The following TMEM26 variants were observed in gnomAD, a reference collection of about 807,000 sequenced individuals.
TMEM26 encodes transmembrane protein 26.
A neutral mutation model predicts 28.8 loss-of-function variants in TMEM26; 38 were observed. The ratio of observed to expected loss-of-function variants is 1.32; its 90% confidence interval spans 1.02 to 1.73. The LOEUF (loss-of-function observed/expected upper bound fraction) is 1.73. TMEM26 is among the 40% of genes most tolerant of loss of function. The pLI is 0.00. For synonymous variants in TMEM26, 227 were observed against 182.9 expected, an observed-to-expected ratio of 1.24 and a Z score of -1.95; for missense variants, 518 against 447.1, an observed-to-expected ratio of 1.16 and a Z score of -1.43.
rs1433186068 is a variant in TMEM26 at position 61,410,099 on chromosome 10, A to G, written c.*223T>C. ...CAAATCACTTAGTCGTTGAACAACT[A>G]TAACATCTGATACCATCACACAGAA... On this transcript the variant is annotated 3_prime_UTR_variant, in exon 6 of 6. Coordinates refer to ENST00000399298, the MANE Select transcript of TMEM26 (RefSeq NM_178505.8). 1.9e-5 allele frequency: 11 copies of G among 571,804 alleles called. No individual in the cohort carries two copies. The South Asian group carries it at 2.2e-4, about 11-fold the overall frequency. The allele number at this position is 571,804 out of a possible 1,614,324, so 35.4% of individuals were successfully genotyped here.
At chr10:61,429,991 G>T (rs189427095) in intron 3 of TMEM26, among the ~76,000 whole-genome samples, 21 of 152,158 alleles carry the variant, frequency 1.4e-4, no homozygotes, top group African/African-American at 4.6e-4. Flanking sequence ...AATGCACAAG[G>T]ACGGATAAAA....
chr10:61,424,686 A>G (rs1322872644), intron 4 of TMEM26, among the ~76,000 whole-genome samples: 1 of 152,228 alleles, frequency 6.6e-6, no homozygotes, highest in Non-Finnish European at 1.5e-5. Context: ...CTATAGCTAC[A>G]TAATCCTGAC....
chr10:61,445,479 C>G (rs1486691826), intron 1 of TMEM26, among the ~76,000 whole-genome samples: 1 of 152,130 alleles, frequency 6.6e-6, no homozygotes, highest in East Asian at 1.9e-4. Context: ...TTATCTACCT[C>G]TTTGAGGTCA....
At chr10:61,422,405 AC>A (rs1564474897) in intron 4 of TMEM26, among the ~76,000 whole-genome samples, 1 of 152,160 alleles carries the variant, frequency 6.6e-6, no homozygotes, top group Non-Finnish European at 1.5e-5. Flanking sequence ...ATAATAGACC[AC>A]AAAGTAAGTC....
Position 61,408,843 on chromosome 10 carries a change from A to G in TMEM26, c.*1479T>C, listed in dbSNP as rs1048592313. ...CTGAAGAAGCCATTTATGAGAAAATATGCATGACTCTGTATAAAAACACAA... is the reference window on the plus strand; with the variant it reads ...CTGAAGAAGCCATTTATGAGAAAATGTGCATGACTCTGTATAAAAACACAA... On this transcript the variant is annotated 3_prime_UTR_variant, in exon 6 of 6. Transcript: ENST00000399298. 2.6e-5 allele frequency: 4 copies of G among 152,216 alleles called. No homozygotes were observed. The highest frequency in any genetic ancestry group is 5.9e-5 in the Non-Finnish European group (4 of 68,044). The allele number at this position is 152,216 out of a possible 1,614,324, so 9.4% of individuals were successfully genotyped here.
chr10:61,413,078 A>G (rs1839594527), intron 5 of TMEM26: 1 of 672,324 alleles, frequency 1.5e-6, no homozygotes, highest in Non-Finnish European at 2.2e-6. Context: ...AGCAAACTGT[A>G]TATTACTGAG....
At chr10:61,428,775 A>T in intron 4 of TMEM26, 151 bp downstream of exon 4, 1 of 662,414 alleles carries the variant, frequency 1.5e-6, no homozygotes, top group Non-Finnish European at 2.6e-6. Context: ...CGTTTCTAAT[A>T]CGTAAACAGC....
At chr10:61,433,127 A>G (rs773602202) in intron 2 of TMEM26, among the ~76,000 whole-genome samples, 2 of 152,160 alleles carry the variant, frequency 1.3e-5, no homozygotes, top group Non-Finnish European at 2.9e-5. Context: ...TTGTTATTTA[A>G]GAAAATAGGC....
At chr10:61,415,326 G>A (rs1304628782) in intron 4 of TMEM26, among the ~76,000 whole-genome samples, 1 of 152,046 alleles carries the variant, frequency 6.6e-6, no homozygotes, top group Non-Finnish European at 1.5e-5. Context: ...AGAAATATAA[G>A]GTCTAAAATT....
chr10:61,411,877 G>A (rs906350678), intron 5 of TMEM26, among the ~76,000 whole-genome samples: 3 of 152,188 alleles, frequency 2.0e-5, no homozygotes, highest in Non-Finnish European at 2.9e-5. Flanking sequence ...TAAACATAAT[G>A]TACTATTTGT....
At chr10:61,421,103 G>A (rs1238337736) in intron 4 of TMEM26, among the ~76,000 whole-genome samples, 6 of 152,084 alleles carry the variant, frequency 3.9e-5, no homozygotes, top group Non-Finnish European at 8.8e-5. Flanking sequence ...GAGCCATATT[G>A]TTAGGCTTTA....
chr10:61,429,127 T>G lies in TMEM26; in HGVS notation c.404A>C (p.Asn135Thr). The G allele has an allele frequency of 6.2e-7, 1 of 1,612,824 alleles. No individual in the cohort carries two copies. Among genetic ancestry groups the G allele is most frequent in the Non-Finnish European group, 8.5e-7 (1 of 1,179,268 alleles). The change falls in exon 4 of 6, where the codon AAC (asparagine) becomes ACC (threonine). Residue 135 changes from asparagine (N) to threonine (T), a missense_variant. Transcript: ENST00000399298. The part of the protein sequence containing the change: ...LIETAKVFVN[N>T]LSTVCEKVWT... ...AACTTTCTCACATACTGTAGATAAG[T>G]TATTCACAAAAACTTTGGCCTGTTT...
intron 1 of TMEM26, among the ~76,000 whole-genome samples, chr10:61,442,345 A>G (rs1284638596): frequency 6.6e-6 from 1 of 152,150 alleles, no homozygotes; most frequent in Non-Finnish European, 1.5e-5. Flanking sequence ...TTTCTTATTG[A>G]AAAAAATAAC....
chr10:61,449,335 A>G (rs933510680), intron 1 of TMEM26, among the ~76,000 whole-genome samples: 4 of 151,622 alleles, frequency 2.6e-5, no homozygotes, highest in Non-Finnish European at 4.4e-5. Flanking sequence ...CACCCTCTCT[A>G]TTCTATAGGA....
intron 4 of TMEM26, among the ~76,000 whole-genome samples, chr10:61,421,986 A>G (rs1436961904): frequency 1.3e-5 from 2 of 152,146 alleles, no homozygotes; most frequent in Admixed American, 6.6e-5. Flanking sequence ...AGATATCTCT[A>G]TGCCAACATA....
chr10:61,450,190 C>T (rs748539162), intron 1 of TMEM26, among the ~76,000 whole-genome samples: 43 of 152,074 alleles, frequency 2.8e-4, no homozygotes, highest in Admixed American at 1.7e-3. Context: ...GGAAAAAAGG[C>T]TTATCTATAT....
At chr10:61,433,663 A>G (rs1348580944) in intron 2 of TMEM26, among the ~76,000 whole-genome samples, 5 of 152,176 alleles carry the variant, frequency 3.3e-5, no homozygotes, top group African/African-American at 1.2e-4. Flanking sequence ...CTCATGAAAT[A>G]GGTCAGGATG....
intron 1 of TMEM26, among the ~76,000 whole-genome samples, chr10:61,438,168 C>G (rs1318375417): frequency 6.6e-6 from 1 of 152,126 alleles, no homozygotes; most frequent in African/African-American, 2.4e-5. Context: ...TACTCCCCCA[C>G]CTTTGATTTC....
intron 2 of TMEM26, among the ~76,000 whole-genome samples, chr10:61,433,554 T>C (rs753151966): frequency 4.6e-5 from 7 of 152,156 alleles, no homozygotes; most frequent in Non-Finnish European, 1.0e-4. Flanking sequence ...ACCTAAGAAC[T>C]AAGGTCACAA....
Sources: gnomAD v4.1 joint callset for allele counts (sites outside exome capture counted in the v4.1 genomes callset) on GRCh38, gnomAD v4.1.1 for gene constraint, MANE v1.5 for transcripts, NCBI Gene and HGNC (gene_info 2026-07-23, HGNC 2026-07-21) for gene names.